Variants in ARHGAP42 observed in about 807,000 individuals in gnomAD.
ARHGAP42 encodes the protein Rho GTPase activating protein 42.
ARHGAP42 carries 63 observed loss-of-function variants against 125.0 expected under a neutral mutation model. The ratio of observed to expected loss-of-function variants is 0.50; its 90% CI spans 0.41 to 0.62. The LOEUF (loss-of-function observed/expected upper bound fraction) is 0.62. Ranked by LOEUF, ARHGAP42 falls within the 20% of genes least tolerant of loss-of-function variation. ARHGAP42 has a pLI of 0.00. For synonymous variants in ARHGAP42, 339 were observed against 351.0 expected (o/e 0.97, Z 0.38); for missense variants, 766 against 1,024.2 (o/e 0.75, Z 3.44).
At chr11:100,966,060 A>G (rs920631965) in intron 17 of ARHGAP42, among the ~76,000 whole-genome samples, 4 of 152,132 alleles carry the variant, frequency 2.6e-5, no homozygotes, top group Non-Finnish European at 5.9e-5. Flanking sequence ...GAAGGAGTAT[A>G]TAGTTTTTTT....
intron 1 of ARHGAP42, among the ~76,000 whole-genome samples, chr11:100,726,147 A>G (rs1861857996): frequency 6.6e-6 from 1 of 152,138 alleles, no homozygotes; most frequent in Admixed American, 6.5e-5. Flanking sequence ...AAATGAAAAT[A>G]AAAGGTTGTA....
At chr11:100,970,951 C>T (rs1858227081) in intron 17 of ARHGAP42, among the ~76,000 whole-genome samples, 1 of 151,958 alleles carries the variant, frequency 6.6e-6, no homozygotes, top group Non-Finnish European at 1.5e-5. Flanking sequence ...AGATAGAGGG[C>T]CTGAGATATG....
At chr11:100,831,236 C>A (rs79797087) in intron 3 of ARHGAP42, among the ~76,000 whole-genome samples, 1 of 152,008 alleles carries the variant, frequency 6.6e-6, no homozygotes, top group Admixed American at 6.6e-5. Flanking sequence ...AGGAGTGGAC[C>A]TTGTAAAGGG....
chr11:100,804,868 G>T (rs190633207), intron 3 of ARHGAP42, among the ~76,000 whole-genome samples: 1 of 152,302 alleles, frequency 6.6e-6, no homozygotes, highest in East Asian at 1.9e-4. Flanking sequence ...TTGAGCTTTC[G>T]TGTGAGCCTC....
At chr11:100,850,134 T>C (rs188994179) in intron 3 of ARHGAP42, among the ~76,000 whole-genome samples, 3 of 152,300 alleles carry the variant, frequency 2.0e-5, no homozygotes, top group South Asian at 2.1e-4. Flanking sequence ...CACATAAACA[T>C]GGCATCAGCA....
chr11:100,978,788 G>GC (rs1053707964), intron 21 of ARHGAP42, among the ~76,000 whole-genome samples, 199 bp from the exon 22 acceptor site: 2 of 152,158 alleles, frequency 1.3e-5, no homozygotes, highest in East Asian at 1.9e-4. Flanking sequence ...GTTAATTACA[G>GC]CCTGGTACTC....
chr11:100,935,156 G>T (rs1404769384), intron 7 of ARHGAP42, among the ~76,000 whole-genome samples: 1 of 151,386 alleles, frequency 6.6e-6, no homozygotes, highest in Non-Finnish European at 1.5e-5. Flanking sequence ...TTAAAATGGG[G>T]AATAAACTCC....
intron 3 of ARHGAP42, among the ~76,000 whole-genome samples, chr11:100,828,044 C>G (rs976818241): frequency 6.6e-6 from 1 of 152,172 alleles, no homozygotes; most frequent in African/African-American, 2.4e-5. Flanking sequence ...AGGACTGCTG[C>G]CTATCACTGA....
chr11:100,808,597 G>A (rs1864060613), intron 3 of ARHGAP42, among the ~76,000 whole-genome samples: 1 of 150,364 alleles, frequency 6.7e-6, no homozygotes, highest in African/African-American at 2.4e-5. Context: ...AGTAGAGACG[G>A]GGTTTCACCT....
intron 8 of ARHGAP42, among the ~76,000 whole-genome samples, chr11:100,938,861 G>A (rs1867805586): frequency 1.3e-5 from 2 of 152,174 alleles, no homozygotes; most frequent in African/African-American, 4.8e-5. Context: ...TTGTGCACTT[G>A]CTATCACTGG....
intron 2 of ARHGAP42, among the ~76,000 whole-genome samples, chr11:100,792,206 G>A (rs780372517): frequency 1.5e-4 from 23 of 152,166 alleles, no homozygotes; most frequent in Admixed American, 1.2e-3. Flanking sequence ...CAAAATAGCT[G>A]TTGACAGGCT....
At chr11:100,974,807 A>T (rs1326728665) in intron 19 of ARHGAP42, among the ~76,000 whole-genome samples, 4 of 152,112 alleles carry the variant, frequency 2.6e-5, no homozygotes, top group African/African-American at 9.7e-5. Flanking sequence ...AAAAAGGAAA[A>T]AAAGAAAAAA....
intron 1 of ARHGAP42, among the ~76,000 whole-genome samples, chr11:100,701,678 A>G (rs1861399739): frequency 6.6e-6 from 1 of 152,192 alleles, no homozygotes; most frequent in Non-Finnish European, 1.5e-5. Context: ...AGAATTGAAG[A>G]AAGTTAGGAC....
At chr11:100,849,805 A>G (rs749407430) in intron 3 of ARHGAP42, among the ~76,000 whole-genome samples, 3 of 152,132 alleles carry the variant, frequency 2.0e-5, no homozygotes, top group Non-Finnish European at 2.9e-5. Context: ...ACAAGTTCCA[A>G]TTACCATGTT....
chr11:100,975,296 G>T (rs993268654), intron 19 of ARHGAP42, among the ~76,000 whole-genome samples: 4 of 152,112 alleles, frequency 2.6e-5, no homozygotes, highest in Non-Finnish European at 5.9e-5. Context: ...ATTTCAAGTT[G>T]CACACCTGTA....
chr11:100,741,131 A>C (rs578191867), intron 1 of ARHGAP42, among the ~76,000 whole-genome samples: 3 of 152,144 alleles, frequency 2.0e-5, no homozygotes, highest in African/African-American at 7.2e-5. Flanking sequence ...CCTGGGTTCA[A>C]GCGATTCTCC....
At chr11:100,944,633 A>G (rs775211055) in intron 10 of ARHGAP42, among the ~76,000 whole-genome samples, 6 of 152,050 alleles carry the variant, frequency 3.9e-5, no homozygotes, top group African/African-American at 1.4e-4. Flanking sequence ...CGAATATCAT[A>G]ATAAACTGAG....
chr11:100,987,666 C>A, intron 23 of ARHGAP42, 74 bp downstream of exon 23: 2 of 1,376,114 alleles, frequency 1.5e-6, no homozygotes, highest in South Asian at 1.3e-5. Flanking sequence ...TGGTATGAGT[C>A]TAAAGTAGAA....
rs377259653 is a variant in ARHGAP42 at position 100,837,110 on chromosome 11, C to G, written c.313-22444C>G. On this transcript the variant is annotated intron_variant, in intron 3 of 23. Coordinates refer to ENST00000298815, the MANE Select transcript of ARHGAP42 (RefSeq NM_152432.4). ...AAATTTCAAGAATAGAAAGAACTTT[C>G]CTATATTCTTCACCATTTTGCCAAA... is the stretch of plus-strand genomic sequence containing the variant. 7.2e-5 allele frequency among the ~76,000 whole-genome samples: 11 copies of G among 151,928 alleles called. No individual in the cohort carries two copies. The East Asian group carries it at 7.7e-4, about 11-fold the overall frequency.
Sources: gnomAD v4.1 joint callset for allele counts (sites outside exome capture counted in the v4.1 genomes callset) on GRCh38, gnomAD v4.1.1 for gene constraint, MANE v1.5 for transcripts, NCBI Gene and HGNC (gene_info 2026-07-23, HGNC 2026-07-21) for gene names.